The following CALN1 variants were observed in gnomAD, a reference collection of about 807,000 sequenced individuals.
CALN1 encodes the protein calneuron 1.
CALN1 carries 17 observed loss-of-function variants against 30.6 expected under a neutral mutation model. That is an observed-to-expected ratio of 0.56 (90% CI 0.38 to 0.83). CALN1 has a LOEUF of 0.83. Among genes scored for constraint, CALN1 ranks in the 40% least tolerant of loss-of-function variants. CALN1 has a pLI of 0.00. For synonymous variants in CALN1, 156 were observed against 131.4 expected, an observed-to-expected ratio of 1.19 and a Z score of -1.28; for missense variants, 291 against 354.9, an observed-to-expected ratio of 0.82 and a Z score of 1.45.
chr7:72,409,740 C>T (rs1806983235), intron 1 of CALN1, among the ~76,000 whole-genome samples: 1 of 152,060 alleles, frequency 6.6e-6, no homozygotes, highest in Non-Finnish European at 1.5e-5. Flanking sequence ...TGGTTTTTAG[C>T]CTCTGGGACC....
At chr7:72,104,690 G>A (rs1806952616) in intron 4 of CALN1, among the ~76,000 whole-genome samples, 1 of 152,134 alleles carries the variant, frequency 6.6e-6, no homozygotes, top group Admixed American at 6.6e-5. Context: ...CGGGCGCGCT[G>A]GCTCACACCC....
chr7:71,923,137 G>A (rs1257549049), intron 5 of CALN1, among the ~76,000 whole-genome samples: 2 of 151,496 alleles, frequency 1.3e-5, no homozygotes, highest in East Asian at 1.9e-4. Context: ...CCCAGCCCTG[G>A]CTGCTGTTCT....
intron 3 of CALN1, among the ~76,000 whole-genome samples, chr7:72,127,995 G>A (rs924878620): frequency 9.9e-5 from 15 of 152,144 alleles, no homozygotes; most frequent in African/African-American, 3.1e-4. Context: ...GGGGGCAGGA[G>A]TGATCAATGA....
chr7:71,842,256 T>C (rs1029977714), intron 5 of CALN1, among the ~76,000 whole-genome samples: 46 of 152,328 alleles, frequency 3.0e-4, no homozygotes, highest in African/African-American at 1.0e-3. Context: ...GTGTGAGTCC[T>C]CAAATGACTG....
intron 2 of CALN1, among the ~76,000 whole-genome samples, chr7:72,302,903 A>AAAC (rs1446656028): frequency 1.3e-5 from 2 of 149,734 alleles, no homozygotes; most frequent in Non-Finnish European, 3.0e-5. Context: ...CAAAAAAAAA[A>AAAC]AAAAAAAAAA....
At chr7:72,289,682 C>CA (rs1292016211) in intron 2 of CALN1, among the ~76,000 whole-genome samples, 3 of 152,114 alleles carry the variant, frequency 2.0e-5, no homozygotes, top group Admixed American at 6.5e-5. Context: ...AAATTAACCA[C>CA]AAAATCACAA....
chr7:72,254,406 A>G (rs575322496), intron 3 of CALN1, among the ~76,000 whole-genome samples: 1 of 152,254 alleles, frequency 6.6e-6, no homozygotes, highest in South Asian at 2.1e-4. Context: ...TAAGGCCATG[A>G]AAGAACAACG....
intron 2 of CALN1, among the ~76,000 whole-genome samples, chr7:72,337,966 C>T (rs1272875718): frequency 6.6e-6 from 1 of 152,224 alleles, no homozygotes; most frequent in Admixed American, 6.5e-5. Context: ...GACCCCTGCC[C>T]CAGGTCTCAA....
chr7:72,402,168 C>T (rs1806386889), intron 2 of CALN1, among the ~76,000 whole-genome samples: 1 of 152,196 alleles, frequency 6.6e-6, no homozygotes, highest in African/African-American at 2.4e-5. Context: ...GTGGCTTCCC[C>T]AGTAGGTAAG....
chr7:72,311,864 G>C (rs1800078616), intron 2 of CALN1, among the ~76,000 whole-genome samples: 1 of 151,776 alleles, frequency 6.6e-6, no homozygotes, highest in Admixed American at 6.6e-5. Context: ...ACAAGGCTCA[G>C]ACTTTGAAGA....
rs190962467 is a variant in CALN1 at position 72,258,758 on chromosome 7, A to C, written c.244+19928T>G. Among the ~76,000 whole-genome samples, 191 of 151,866 alleles carry C rather than the reference A, an allele frequency of 1.3e-3. 1 individual carries two copies. Among genetic ancestry groups the C allele is most frequent in the South Asian group, 7.5e-3 (36 of 4,780 alleles). On this transcript the variant is annotated intron_variant, in intron 3 of 6. Coordinates refer to ENST00000395275, the MANE Select transcript of CALN1 (RefSeq NM_031468.4). ...CATGGTGAAACCCTGTCTCTACTAA[A>C]AATACAAAAATTAGCTGGGTGTGGT...
At chr7:71,866,286 C>T (rs1791583249) in intron 5 of CALN1, among the ~76,000 whole-genome samples, 1 of 152,144 alleles carries the variant, frequency 6.6e-6, no homozygotes, top group Admixed American at 6.6e-5. Flanking sequence ...GGATTACAGG[C>T]ATGAGGCACC....
chr7:71,816,921 T>C (rs1788297444), intron 5 of CALN1, among the ~76,000 whole-genome samples: 2 of 152,076 alleles, frequency 1.3e-5, no homozygotes, highest in Admixed American at 6.6e-5. Flanking sequence ...TGAGCCGAGA[T>C]TGCACCACTG....
intron 5 of CALN1, among the ~76,000 whole-genome samples, chr7:71,930,993 C>T (rs953525211): frequency 6.6e-5 from 10 of 151,952 alleles, no homozygotes; most frequent in African/African-American, 2.2e-4. Flanking sequence ...TCTGGCAAAG[C>T]GACAGATTAC....
At chr7:71,967,533 G>A (rs1797584774) in intron 5 of CALN1, among the ~76,000 whole-genome samples, 1 of 150,916 alleles carries the variant, frequency 6.6e-6, no homozygotes, top group Non-Finnish European at 1.5e-5. Context: ...GGAGGCTGAG[G>A]TGGAAAAATC....
At chr7:72,075,700 T>A (rs1804682668) in intron 4 of CALN1, among the ~76,000 whole-genome samples, 2 of 152,178 alleles carry the variant, frequency 1.3e-5, no homozygotes, top group African/African-American at 4.8e-5. Context: ...ACCAGCGTAT[T>A]CAGATTCCCT....
At chr7:72,492,439 G>A in the CALN1 span, among the ~76,000 whole-genome samples, 4 of 152,202 alleles carry the variant, frequency 2.6e-5, no homozygotes, top group African/African-American at 9.6e-5. Context: ...GGGTTGATTG[G>A]TTCCACCCTT....
At chr7:72,389,265 CCT>C (rs1805426125) in intron 2 of CALN1, among the ~76,000 whole-genome samples, 1 of 152,192 alleles carries the variant, frequency 6.6e-6, no homozygotes, top group Non-Finnish European at 1.5e-5. Flanking sequence ...AGTTCTCCTG[CCT>C]CTTTCTCATT....
intron 3 of CALN1, among the ~76,000 whole-genome samples, chr7:72,119,577 C>T (rs562991241): frequency 6.6e-6 from 1 of 151,318 alleles, no homozygotes; most frequent in Admixed American, 6.6e-5. Context: ...TTTTACACTG[C>T]TGATAAAGAC....
Sources: gnomAD v4.1 joint callset for allele counts (sites outside exome capture counted in the v4.1 genomes callset) on GRCh38, gnomAD v4.1.1 for gene constraint, MANE v1.5 for transcripts, NCBI Gene and HGNC (gene_info 2026-07-23, HGNC 2026-07-21) for gene names.